FGB: variants seen among roughly 807,000 people sequenced by gnomAD.
The protein encoded by FGB is beta-fibrinogen.
A neutral mutation model predicts 57.9 loss-of-function variants in FGB; 25 were observed. That is an observed-to-expected ratio of 0.43 (90% CI 0.31 to 0.60). The LOEUF (loss-of-function observed/expected upper bound fraction) is 0.60, where lower values mean the gene tolerates loss of function less well. Ranked by LOEUF, FGB falls within the 20% of genes least tolerant of loss-of-function variation. The pLI is 0.08. For missense variants in FGB, 536 were observed against 598.4 expected, an observed-to-expected ratio of 0.90 and a Z score of 1.09; for synonymous variants, 203 against 199.2, an observed-to-expected ratio of 1.02 and a Z score of -0.16.
rs745703563 is a variant in FGB, at chr4:154,570,681, A to G, written c.*31A>G. The stretch of plus-strand genomic sequence containing the variant: ...AATACGTAGATTTTTGCTCTTCTGT[A>G]TGTGACAACATTTTTGTACATTATG... On this transcript the variant is annotated 3_prime_UTR_variant, in exon 8 of 8. Coordinates refer to ENST00000302068, the MANE Select transcript of FGB (RefSeq NM_005141.5). The G allele has an allele frequency of 8.6e-6, 13 of 1,514,130 alleles. No homozygotes were observed. In the South Asian group the frequency reaches 1.2e-4, roughly 14 times the overall value. 93.8% of individuals were successfully genotyped at this position (1,514,130 alleles called of 1,614,324 possible).
rs1425513304 is a variant in FGB, at chr4:154,571,239, C to T, written c.*589C>T. Reference sequence around the variant, plus strand: ...TGACTCTAGGACGGGCACGGTGGCTCACGACTATAATCCCAACACTTTGGG... The same window carrying T: ...TGACTCTAGGACGGGCACGGTGGCTTACGACTATAATCCCAACACTTTGGG... On this transcript the variant is annotated 3_prime_UTR_variant, in exon 8 of 8. Transcript: ENST00000302068. Among the ~76,000 whole-genome samples the T allele has an allele frequency of 1.3e-5, 2 of 152,066 alleles. No homozygotes were observed. The highest frequency in any genetic ancestry group is 1.5e-5 in the Non-Finnish European group (1 of 68,024).
chr4:154,565,543 A>G, intron 1 of FGB: 1 of 465,792 alleles, frequency 2.1e-6, no homozygotes, highest in Non-Finnish European at 3.9e-6. Flanking sequence ...TGAGGTCATT[A>G]CTATTCATAA....
chr4:154,563,060 C>T lies in FGB; in HGVS notation c.42C>T (p.Thr14=), dbSNP rs1377967103. The T allele has an allele frequency of 6.4e-7, 1 of 1,574,392 alleles. No individual in the cohort carries two copies. Among genetic ancestry groups the T allele is most frequent in the Admixed American group, 1.8e-5 (1 of 56,040 alleles). ...CTTGGAGCTTCCACAAACTTAAAAC[C>T]ATGAAACATCTATTATTGCTACTAT... The part of the protein sequence containing the change: ...MVSWSFHKLK[T]MKHLLLLLLC... Residue 14 remains threonine (T), a synonymous_variant, in exon 1 of 8, where the codon ACC becomes ACT. Transcript: ENST00000302068.
At position 154,569,293 on chromosome 4, in the gene FGB, A is replaced by C. The variant is rs564407258; in HGVS notation, c.944A>C (p.Tyr315Ser). Reference sequence around the variant, plus strand: ...GCAACCAACACAGATGGGAAGAATTACTGTGGCCTACCAGGTAACGAACAG... The same window carrying C: ...GCAACCAACACAGATGGGAAGAATTCCTGTGGCCTACCAGGTAACGAACAG... ...NVATNTDGKN[Y>S]CGLPGEYWLG... The change falls in exon 6 of 8, where the codon TAC (tyrosine) becomes TCC (serine). Residue 315 changes from tyrosine (Y) to serine (S), a missense_variant. By Grantham distance (144) the Tyr-to-Ser change is moderately radical (BLOSUM62 -2). This residue lies in a region of FGB where 354 missense variants were observed against 383.4 expected (regional missense o/e 0.92). Transcript: ENST00000302068. 6.2e-7 allele frequency: 1 copy of C among 1,614,152 alleles called. No homozygotes were observed. The highest frequency in any genetic ancestry group is 2.2e-5 in the East Asian group (1 of 44,876).
chr4:154,563,986 G>A (rs2227398), intron 1 of FGB, among the ~76,000 whole-genome samples: 25,533 of 151,886 alleles, frequency 0.17, 2,345 homozygotes, highest in Middle Eastern at 0.24. Flanking sequence ...GGGAACTTGA[G>A]TGTTGTACTT....
At position 154,569,900 on chromosome 4, in the gene FGB, A is replaced by C. The variant is rs1730347944; in HGVS notation, c.1244+101A>C. ...AATAGCTACCACTTCCTGGGCACTT[A>C]CTGTCAGCCACTGTCCTAAGCTCTT... On this transcript the variant is annotated intron_variant, in intron 7 of 7. Coordinates refer to ENST00000302068, the MANE Select transcript of FGB (RefSeq NM_005141.5). 4.1e-6 allele frequency: 5 copies of C among 1,213,024 alleles called. No individual in the cohort carries two copies. In the South Asian group the frequency reaches 6.3e-5, roughly 15 times the overall value. 75.1% of individuals were successfully genotyped at this position (1,213,024 alleles called of 1,614,324 possible).
At chr4:154,565,616 G>T in intron 1 of FGB, 192 bp from the exon 2 acceptor site, 1 of 603,730 alleles carries the variant, frequency 1.7e-6, no homozygotes, top group Non-Finnish European at 3.0e-6. Flanking sequence ...GCTTTTTTGT[G>T]CAGTTGGTCT....
At chr4:154,563,492 A>G (rs1296736640) in intron 1 of FGB, among the ~76,000 whole-genome samples, 1 of 151,922 alleles carries the variant, frequency 6.6e-6, no homozygotes, top group Non-Finnish European at 1.5e-5. Flanking sequence ...ATAAAATAAT[A>G]AAAGAGCAGA....
intron 6 of FGB, 80 bp downstream of exon 6, chr4:154,569,387 G>A: frequency 4.4e-6 from 7 of 1,597,660 alleles, no homozygotes; most frequent in Non-Finnish European, 6.0e-6. Flanking sequence ...ATTGTTGGAA[G>A]CCTGTTTTAG....
At chr4:154,564,022 T>C (rs1298580079) in intron 1 of FGB, among the ~76,000 whole-genome samples, 2 of 151,852 alleles carry the variant, frequency 1.3e-5, no homozygotes, top group Non-Finnish European at 3.0e-5. Flanking sequence ...TAAGAACATA[T>C]AGTTAATCTG....
At chr4:154,567,390 C>T (rs1203732552) in intron 3 of FGB, among the ~76,000 whole-genome samples, 1 of 152,094 alleles carries the variant, frequency 6.6e-6, no homozygotes, top group Non-Finnish European at 1.5e-5. Flanking sequence ...TGGTAAATTA[C>T]TAGTATGGTG....
chr4:154,572,057 T>C lies in FGB; in HGVS notation c.*1407T>C, dbSNP rs1186482418. Among the ~76,000 whole-genome samples, 1 of 152,186 alleles carries C rather than the reference T, an allele frequency of 6.6e-6. No individual in the cohort carries two copies. The highest frequency in any genetic ancestry group is 1.5e-5 in the Non-Finnish European group (1 of 68,036). ...ATTTAACAGAAAACTCTTATCAACT[T>C]ACTTCCTGCTTAACATTAGCTCCTT... On this transcript the variant is annotated 3_prime_UTR_variant, in exon 8 of 8. Transcript: ENST00000302068.
At position 154,569,749 on chromosome 4, in the gene FGB, C is replaced by A. The variant is rs1730339348; in HGVS notation, c.1194C>A (p.Thr398=). The change falls in exon 7 of 8, where the codon ACC becomes ACA. Residue 398 remains threonine, a synonymous_variant. Coordinates refer to ENST00000302068, the MANE Select transcript of FGB (RefSeq NM_005141.5). ...SQLMGENRTM[T]IHNGMFFSTY... ...TGATGGGAGAAAACAGGACCATGACCATTCACAACGGCATGTTCTTCAGCA... is the reference window on the plus strand; with the variant it reads ...TGATGGGAGAAAACAGGACCATGACAATTCACAACGGCATGTTCTTCAGCA... 1 of 1,614,154 alleles carries A rather than the reference C, an allele frequency of 6.2e-7. No individual in the cohort carries two copies.
chr4:154,572,145 C>T lies in FGB; in HGVS notation c.*1495C>T, dbSNP rs1431270812. On this transcript the variant is annotated 3_prime_UTR_variant, in exon 8 of 8. Transcript: ENST00000302068. ...AGCTGGAGTAAAAATGGTCCCAGTA[C>T]CATTTCCTGTTCCCTTCACTATAAC... Among the ~76,000 whole-genome samples, 1 of 152,138 alleles carries T rather than the reference C, an allele frequency of 6.6e-6. No homozygotes were observed. Among genetic ancestry groups the T allele is most frequent in the Non-Finnish European group, 1.5e-5 (1 of 68,032 alleles).
rs1396702481 is a variant in FGB at position 154,567,771 on chromosome 4, T to C, written c.669T>C (p.Cys223=). 2 of 1,614,128 alleles carry C rather than the reference T, an allele frequency of 1.2e-6. No individual in the cohort carries two copies. Among genetic ancestry groups the C allele is most frequent in the African/African-American group, 1.3e-5 (1 of 75,052 alleles). ...ESDVSAQMEY[C]RTPCTVSCNI... is the part of the protein sequence containing the mutation. ...ATGTCTCAGCTCAAATGGAATATTG[T>C]CGCACCCCATGCACTGTCAGTTGCA... The change falls in exon 4 of 8, where the codon TGT becomes TGC. Residue 223 remains cysteine, a synonymous_variant. Transcript: ENST00000302068.
rs770938745 is a variant in FGB, at chr4:154,569,556, G to A, written c.1001G>A (p.Arg334Lys). 11 of 1,613,988 alleles carry A rather than the reference G, an allele frequency of 6.8e-6. No homozygotes were observed. The highest frequency in any genetic ancestry group is 6.6e-5 in the South Asian group (6 of 91,028). Reference sequence around the variant, plus strand: ...AATGATAAAATTAGCCAGCTTACCAGGATGGGACCCACAGAACTTTTGATA... The same window carrying A: ...AATGATAAAATTAGCCAGCTTACCAAGATGGGACCCACAGAACTTTTGATA... ...LGNDKISQLT[R>K]MGPTELLIEM... is the part of the protein sequence containing the mutation. Residue 334 changes from arginine to lysine, a missense_variant, in exon 7 of 8, where the codon AGG becomes AAG. Transcript: ENST00000302068.
In FGB at chr4:154,566,060, TG is replaced by T. The variant is rs1730148152; in HGVS notation, c.306+63del. 4 of 1,439,128 alleles carry T rather than the reference TG, an allele frequency of 2.8e-6. No individual in the cohort carries two copies. The Admixed American group carries it at 7.1e-5, about 26-fold the overall frequency. 89.1% of individuals were successfully genotyped at this position (1,439,128 alleles called of 1,614,324 possible). A position where few individuals can be genotyped will look rare whatever the true frequency, so the allele number is the denominator to read the frequency against. On this transcript the variant is annotated intron_variant, in intron 2 of 7. Coordinates refer to ENST00000302068, the MANE Select transcript of FGB (RefSeq NM_005141.5). The stretch of plus-strand genomic sequence containing the variant: ...CTCATGCAGAGAAAGCCTGTAGTCA[TG>T]GCAGTCTGCTAATGTTTCACTGACC...
rs1730478557 is a variant in FGB at position 154,572,728 on chromosome 4, T to TTTGGATATGTTATGTA, written c.*2079_*2080insTGGATATGTTATGTAT. Among the ~76,000 whole-genome samples the TTTGGATATGTTATGTA allele has an allele frequency of 2.6e-5, 4 of 152,134 alleles. No individual in the cohort carries two copies. Among genetic ancestry groups the TTTGGATATGTTATGTA allele is most frequent in the African/African-American group, 9.7e-5 (4 of 41,426 alleles). ...ATACAAAGTGTTTAACATATACGATTTCATGATTTTGGAAATATGCATACA... is the reference window on the plus strand; with the variant it reads ...ATACAAAGTGTTTAACATATACGATTTTGGATATGTTATGTATCATGATTTTGGAAATATGCATACA... On this transcript the variant is annotated 3_prime_UTR_variant, in exon 8 of 8. Coordinates refer to ENST00000302068, the MANE Select transcript of FGB (RefSeq NM_005141.5).
rs746024226 is a variant in FGB, at chr4:154,566,552, A to G, written c.370A>G (p.Arg124Gly). The change falls in exon 3 of 8, where the codon AGA becomes GGA. Residue 124 changes from arginine (R) to glycine (G), a missense_variant. Transcript: ENST00000302068. ...TTTGCTACAACAGGAAAGGCCAATC[A>G]GAAATAGTGTTGATGAGTTAAATAA... ...EALLQQERPIRNSVDELNNNV... is the reference protein window; with the variant it reads ...EALLQQERPIGNSVDELNNNV... 19 of 1,614,170 alleles carry G rather than the reference A, an allele frequency of 1.2e-5. No individual in the cohort carries two copies. The highest frequency in any genetic ancestry group is 1.6e-5 in the Non-Finnish European group (19 of 1,180,010).
Sources: gnomAD v4.1 joint callset for allele counts (sites outside exome capture counted in the v4.1 genomes callset) on GRCh38, gnomAD v4.1.1 for gene constraint, gnomAD v4.1.1 regional missense constraint, MANE v1.5 for transcripts, NCBI Gene and HGNC (gene_info 2026-07-23, HGNC 2026-07-21) for gene names.